The following NAALADL2 variants were observed in gnomAD, a reference collection of about 807,000 sequenced individuals.
NAALADL2 encodes the protein N-acetylated alpha-linked acidic dipeptidase like 2, also known as inactive N-acetylated-alpha-linked acidic dipeptidase-like protein 2.
NAALADL2 carries 76 observed loss-of-function variants against 87.2 expected under a neutral mutation model. That is an observed-to-expected ratio of 0.87 (90% CI 0.72 to 1.05). NAALADL2 has a LOEUF of 1.05. NAALADL2 is among the 50% of genes least tolerant of loss of function. The pLI is 0.00. For synonymous variants in NAALADL2, 354 were observed against 331.0 expected (o/e 1.07, Z -0.75); for missense variants, 1,089 against 945.8 (o/e 1.15, Z -1.99).
intron 1 of NAALADL2, among the ~76,000 whole-genome samples, chr3:174,885,634 T>C (rs1033089765): frequency 3.3e-5 from 5 of 152,128 alleles, no homozygotes; most frequent in Admixed American, 2.6e-4. Context: ...CTAATCATAT[T>C]AAGCAGCCAA....
chr3:174,478,632 A>C (rs1245853379), intron 1 of NAALADL2, among the ~76,000 whole-genome samples: 1 of 152,108 alleles, frequency 6.6e-6, no homozygotes, highest in Non-Finnish European at 1.5e-5. Flanking sequence ...GGTAATTAAC[A>C]ATGAATATAT....
chr3:174,560,184 C>T (rs999259972), intron 2 of NAALADL2, among the ~76,000 whole-genome samples: 1 of 152,110 alleles, frequency 6.6e-6, no homozygotes, highest in Non-Finnish European at 1.5e-5. Flanking sequence ...ACTGTTACTG[C>T]CCTTAGGATA....
chr3:175,421,616 A>G (rs1715708862), intron 5 of NAALADL2, among the ~76,000 whole-genome samples: 1 of 152,154 alleles, frequency 6.6e-6, no homozygotes, highest in South Asian at 2.1e-4. Context: ...AAATTAAAAT[A>G]CAGATTGCAA....
At chr3:175,714,660 G>T (rs559630776) in intron 11 of NAALADL2, among the ~76,000 whole-genome samples, 1 of 152,088 alleles carries the variant, frequency 6.6e-6, no homozygotes, top group African/African-American at 2.4e-5. Context: ...TTGCAAAAAC[G>T]TTCTCCAATT....
At chr3:175,098,853 C>T (rs1406813445) in intron 2 of NAALADL2, among the ~76,000 whole-genome samples, 3 of 150,744 alleles carry the variant, frequency 2.0e-5, no homozygotes, top group Non-Finnish European at 4.4e-5. Flanking sequence ...GAAAAGGATC[C>T]ATAGCATTAA....
At chr3:175,698,667 A>C (rs1738540937) in intron 11 of NAALADL2, among the ~76,000 whole-genome samples, 1 of 151,414 alleles carries the variant, frequency 6.6e-6, no homozygotes, top group South Asian at 2.1e-4. Flanking sequence ...ATAAATAAGT[A>C]GAATTTAGAA....
intron 3 of NAALADL2, among the ~76,000 whole-genome samples, chr3:175,247,219 T>C (rs555120930): frequency 6.6e-6 from 1 of 152,058 alleles, no homozygotes; most frequent in East Asian, 1.9e-4. Flanking sequence ...ATGTAAACAT[T>C]GTATAAGGAA....
chr3:174,685,351 G>A (rs78132529), intron 2 of NAALADL2, among the ~76,000 whole-genome samples: 7,865 of 152,094 alleles, frequency 0.052, 547 homozygotes, highest in African/African-American at 0.15. Context: ...CAAGCAATCT[G>A]TTGTCAAATT....
At chr3:175,685,244 T>C (rs1489125478) in intron 11 of NAALADL2, among the ~76,000 whole-genome samples, 1 of 152,164 alleles carries the variant, frequency 6.6e-6, no homozygotes, top group African/African-American at 2.4e-5. Flanking sequence ...ATGCAGGTCT[T>C]AGCCATGCCC....
chr3:174,513,493 CTGTT>C (rs1241015681), intron 1 of NAALADL2: 1 of 152,110 alleles, frequency 6.6e-6, no homozygotes, highest in African/African-American at 2.4e-5. Context: ...TAGACTGTAT[CTGTT>C]TGTTTCCAAA....
At chr3:174,947,775 T>G (rs180964179) in intron 1 of NAALADL2, among the ~76,000 whole-genome samples, 271 of 152,160 alleles carry the variant, frequency 1.8e-3, no homozygotes, top group Non-Finnish European at 3.4e-3. Context: ...CATACACATA[T>G]GTGCACACAT....
chr3:175,014,907 G>C (rs1423642679), intron 1 of NAALADL2, among the ~76,000 whole-genome samples: 4 of 151,542 alleles, frequency 2.6e-5, no homozygotes, highest in African/African-American at 4.9e-5. Flanking sequence ...TTTCGTAAGG[G>C]GACTGGATCT....
intron 5 of NAALADL2, among the ~76,000 whole-genome samples, chr3:175,387,822 T>C (rs373327290): frequency 6.6e-6 from 1 of 152,128 alleles, no homozygotes; most frequent in South Asian, 2.1e-4. Flanking sequence ...ATTTATTATA[T>C]GCAGGATCTA....
At chr3:174,610,188 T>G (rs1719664434) in intron 2 of NAALADL2, among the ~76,000 whole-genome samples, 1 of 106,874 alleles carries the variant, frequency 9.4e-6, no homozygotes, top group Admixed American at 8.1e-5. Flanking sequence ...GACTTAAACG[T>G]TAGACCTAAA....
chr3:174,789,518 A>G (rs1717208017), intron 3 of NAALADL2, among the ~76,000 whole-genome samples: 1 of 152,228 alleles, frequency 6.6e-6, no homozygotes, highest in Non-Finnish European at 1.5e-5. Context: ...GTTGTGAAAT[A>G]ACTTCTAGAA....
intron 11 of NAALADL2, among the ~76,000 whole-genome samples, chr3:175,630,873 T>A (rs972995836): frequency 2.0e-5 from 3 of 151,538 alleles, no homozygotes; most frequent in Non-Finnish European, 3.0e-5. Context: ...GAGAAATACT[T>A]GGTAAAATTA....
intron 1 of NAALADL2, among the ~76,000 whole-genome samples, chr3:175,085,925 T>C (rs1235714961): frequency 6.6e-6 from 1 of 152,042 alleles, no homozygotes; most frequent in South Asian, 2.1e-4. Flanking sequence ...TCAGAAGATA[T>C]AGATATTTTA....
chr3:175,319,529 G>T (rs868651489), intron 4 of NAALADL2, among the ~76,000 whole-genome samples: 1 of 152,150 alleles, frequency 6.6e-6, no homozygotes, highest in East Asian at 1.9e-4. Context: ...CTTTCTTTAA[G>T]AATTGCTGGG....
At chr3:175,000,387 A>G (rs1748072922) in intron 1 of NAALADL2, among the ~76,000 whole-genome samples, 1 of 152,194 alleles carries the variant, frequency 6.6e-6, no homozygotes, top group African/African-American at 2.4e-5. Context: ...GTGAAGGGCC[A>G]GATAGTAAAT....
Sources: allele counts gnomAD v4.1 joint callset (sites outside exome capture counted in the v4.1 genomes callset), GRCh38; gene constraint gnomAD v4.1.1; transcripts MANE v1.5; gene names NCBI Gene and HGNC (gene_info 2026-07-23, HGNC 2026-07-21).